Variants in KIF3C observed in about 807,000 individuals in gnomAD.
KIF3C encodes kinesin-like protein KIF3C.
In KIF3C, 12 loss-of-function variants were observed where a neutral mutation model predicts 67.7. That is an observed-to-expected ratio of 0.18 (90% CI 0.11 to 0.29). The LOEUF (loss-of-function observed/expected upper bound fraction) is 0.29, where lower values mean the gene tolerates loss of function less well. Among genes scored for constraint, KIF3C ranks in the 10% least tolerant of loss-of-function variants. The pLI, the probability that KIF3C is intolerant of heterozygous loss-of-function variation, is 1.00. For synonymous variants in KIF3C, 393 were observed against 426.2 expected (o/e 0.92, Z 0.96); for missense variants, 789 against 1,059.6 (o/e 0.74, Z 3.55).
intron 1 of KIF3C, among the ~76,000 whole-genome samples, chr2:25,970,390 G>A (rs901753898): frequency 2.6e-5 from 4 of 152,056 alleles, no homozygotes; most frequent in African/African-American, 4.8e-5. Flanking sequence ...ACATCAGGCC[G>A]GGCGCGGTGG....
intron 4 of KIF3C, among the ~76,000 whole-genome samples, chr2:25,953,587 C>T (rs896490996): frequency 2.0e-5 from 3 of 151,926 alleles, no homozygotes; most frequent in African/African-American, 7.3e-5. Flanking sequence ...GTCTCGATCT[C>T]CTGACCTCGT....
At chr2:25,947,823 A>C (rs140248346) in intron 5 of KIF3C, among the ~76,000 whole-genome samples, 99 of 152,306 alleles carry the variant, frequency 6.5e-4, no homozygotes, top group African/African-American at 2.4e-3. Flanking sequence ...TGTTTATTTA[A>C]ATTTTCCATA....
chr2:25,932,616 T>G (rs565266956), intron 5 of KIF3C, among the ~76,000 whole-genome samples: 2 of 149,848 alleles, frequency 1.3e-5, no homozygotes, highest in South Asian at 2.1e-4. Context: ...GCGGATCACC[T>G]GAGGTCAGGA....
In KIF3C at chr2:25,929,449, T is replaced by C. The variant is rs767772583; in HGVS notation, c.2144A>G (p.Asp715Gly). ...RAENIMFLEL[D>G]VSPPAVFEME... Reference sequence around the variant, plus strand: ...CTCAAAGACAGCTGGAGGGGACACATCCAACTCCAGAAACATTATGTTTTC... The same window carrying C: ...CTCAAAGACAGCTGGAGGGGACACACCCAACTCCAGAAACATTATGTTTTC... The change falls in exon 7 of 8, where the codon GAT (aspartate) becomes GGT (glycine). Residue 715 changes from aspartate (D) to glycine (G), a missense_variant. This residue lies in a region of KIF3C where 648 missense variants were observed against 807.8 expected (regional missense o/e 0.80). Coordinates refer to ENST00000264712, the MANE Select transcript of KIF3C (RefSeq NM_002254.8). The C allele has an allele frequency of 6.2e-7, 1 of 1,613,994 alleles. No homozygotes were observed. The highest frequency in any genetic ancestry group is 8.5e-7 in the Non-Finnish European group (1 of 1,179,940).
rs1274356008 is a variant in KIF3C, at chr2:25,982,378, A to G, written c.-461T>C. The G allele has an allele frequency of 1.5e-5, 6 of 398,870 alleles. No homozygotes were observed. The highest frequency in any genetic ancestry group is 2.7e-5 in the Non-Finnish European group (6 of 226,386). 24.7% of individuals were successfully genotyped at this position (398,870 alleles called of 1,614,324 possible). ...CGGGGGTCCCGGGCCTCCCGAGGGC[A>G]GAGGCTCACCTGGAGTCCTCCCCCC... On this transcript the variant is annotated 5_prime_UTR_variant, in exon 1 of 8. Coordinates refer to ENST00000264712, the MANE Select transcript of KIF3C (RefSeq NM_002254.8).
chr2:25,958,926 T>C lies in KIF3C; in HGVS notation c.1546-2482A>G, dbSNP rs1399796345. On this transcript the variant is annotated intron_variant, in intron 1 of 7. Transcript: ENST00000264712. This position sits in a 1 kb window ranked among gnomAD's most constrained non-coding sequence, Gnocchi z 4.5. ...CCCATCTCTACTAAAAATACAAAAT[T>C]AGCTGGGCATAATGGCACATGCCTG... Among the ~76,000 whole-genome samples the C allele has an allele frequency of 6.6e-6, 1 of 151,924 alleles. No homozygotes were observed. The highest frequency in any genetic ancestry group is 2.4e-5 in the African/African-American group (1 of 41,358).
At chr2:25,970,466 G>A (rs1664249985) in intron 1 of KIF3C, among the ~76,000 whole-genome samples, 2 of 151,756 alleles carry the variant, frequency 1.3e-5, no homozygotes, top group South Asian at 2.1e-4. Context: ...TCAGGAGTTC[G>A]GCGCCAGTCT....
Position 25,926,808 on chromosome 2 carries a change from G to T in KIF3C, c.*2170C>A, listed in dbSNP as rs977647331. The T allele has an allele frequency of 1.3e-5, 2 of 152,130 alleles. No individual in the cohort carries two copies. The highest frequency in any genetic ancestry group is 4.8e-5 in the African/African-American group (2 of 41,410). 9.4% of individuals were successfully genotyped at this position (152,130 alleles called of 1,614,324 possible). On this transcript the variant is annotated 3_prime_UTR_variant, in exon 8 of 8. Transcript: ENST00000264712. ...GTCATATGTGTAGAGTGACAAGAAT[G>T]GGCCACTGCATTGTTAATTGTTGTC...
intron 1 of KIF3C, among the ~76,000 whole-genome samples, chr2:25,966,175 G>A (rs566991214): frequency 4.7e-4 from 71 of 151,612 alleles, no homozygotes; most frequent in African/African-American, 1.6e-3. Flanking sequence ...GCACAATCTC[G>A]GCTCACTGCA....
At chr2:25,938,002 C>T (rs1055257312) in intron 5 of KIF3C, among the ~76,000 whole-genome samples, 3 of 151,782 alleles carry the variant, frequency 2.0e-5, no homozygotes, top group Non-Finnish European at 4.4e-5. Context: ...TTGAGTGAAC[C>T]GAGATCATGC....
Position 25,928,913 on chromosome 2 carries a change from G to A in KIF3C, c.*65C>T. 1 of 1,385,756 alleles carries A rather than the reference G, an allele frequency of 7.2e-7. No homozygotes were observed. Among genetic ancestry groups the A allele is most frequent in the Non-Finnish European group, 1.0e-6 (1 of 985,786 alleles). 85.8% of individuals were successfully genotyped at this position (1,385,756 alleles called of 1,614,324 possible). A position where few individuals can be genotyped will look rare whatever the true frequency, so the allele number is the denominator to read the frequency against. ...CGCACACGCACCAAGCGGCAGATGA[G>A]ATGAGCCAGGGTTGGCTGCCCCATC... is the stretch of plus-strand genomic sequence containing the variant. On this transcript the variant is annotated 3_prime_UTR_variant, in exon 8 of 8. Coordinates refer to ENST00000264712, the MANE Select transcript of KIF3C (RefSeq NM_002254.8).
intron 5 of KIF3C, among the ~76,000 whole-genome samples, chr2:25,943,864 TA>T (rs1404218370): frequency 2.2e-3 from 313 of 141,046 alleles, no homozygotes; most frequent in Non-Finnish European, 2.2e-3. Context: ...AAATTCTATC[TA>T]AAAAAAAAAA....
In KIF3C at chr2:25,928,918, G is replaced by T; in HGVS notation, c.*60C>A. On this transcript the variant is annotated 3_prime_UTR_variant, in exon 8 of 8. Transcript: ENST00000264712. ...ACGCACCAAGCGGCAGATGAGATGA[G>T]CCAGGGTTGGCTGCCCCATCCCAGG... The T allele has an allele frequency of 7.0e-7, 1 of 1,432,214 alleles. No homozygotes were observed. Among genetic ancestry groups the T allele is most frequent in the African/African-American group, 1.4e-5 (1 of 71,380 alleles). The allele number at this position is 1,432,214 out of a possible 1,614,324, so 88.7% of individuals were successfully genotyped here.
Position 25,982,320 on chromosome 2 carries a change from G to A in KIF3C, c.-403C>T. ...GCTGTCTTCTCCTCCTTCCTCTAGG[G>A]ATCCATAGCGTGGGCTGCCGGTCGT... On this transcript the variant is annotated 5_prime_UTR_variant, in exon 1 of 8. Coordinates refer to ENST00000264712, the MANE Select transcript of KIF3C (RefSeq NM_002254.8). 1 of 399,750 alleles carries A rather than the reference G, an allele frequency of 2.5e-6. No individual in the cohort carries two copies. The highest frequency in any genetic ancestry group is 4.4e-6 in the Non-Finnish European group (1 of 226,916). 24.8% of individuals were successfully genotyped at this position (399,750 alleles called of 1,614,324 possible). A position where few individuals can be genotyped will look rare whatever the true frequency, so the allele number is the denominator to read the frequency against.
chr2:25,949,903 G>A (rs1206612288), intron 5 of KIF3C, among the ~76,000 whole-genome samples: 5 of 150,250 alleles, frequency 3.3e-5, no homozygotes, highest in Non-Finnish European at 5.9e-5. Context: ...CCCAGGAAGC[G>A]GAGGTTGCAG....
At chr2:25,968,900 C>T (rs62129487) in intron 1 of KIF3C, among the ~76,000 whole-genome samples, 254 of 152,122 alleles carry the variant, frequency 1.7e-3, no homozygotes, top group Non-Finnish European at 2.8e-3. Flanking sequence ...CTCGGCTCAC[C>T]GCAACATCCG....
chr2:25,956,997 T>A (rs2149234855), intron 1 of KIF3C, among the ~76,000 whole-genome samples: 1 of 152,300 alleles, frequency 6.6e-6, no homozygotes. Flanking sequence ...GCAGGAGCTT[T>A]GGAGAGGGCC....
At chr2:25,946,994 A>C (rs1277859815) in intron 5 of KIF3C, among the ~76,000 whole-genome samples, 14 of 151,760 alleles carry the variant, frequency 9.2e-5, no homozygotes, top group Admixed American at 6.6e-4. Flanking sequence ...TCTACTAAAA[A>C]TACAAAAAAA....
intron 1 of KIF3C, among the ~76,000 whole-genome samples, chr2:25,970,993 C>T (rs1243976254): frequency 6.8e-6 from 1 of 147,006 alleles, no homozygotes; most frequent in Non-Finnish European, 1.5e-5. Flanking sequence ...AAAAAAAGGG[C>T]CGGGCACAGT....
Sources: gnomAD v4.1 joint callset for allele counts (sites outside exome capture counted in the v4.1 genomes callset) on GRCh38, gnomAD v4.1.1 for gene constraint, gnomAD v4.1.1 regional missense constraint, Gnocchi (gnomAD v3.1) non-coding constraint, MANE v1.5 for transcripts, NCBI Gene and HGNC (gene_info 2026-07-23, HGNC 2026-07-21) for gene names.